The following FAM167A variants were observed in gnomAD, a reference collection of about 807,000 sequenced individuals.
The protein encoded by FAM167A is protein FAM167A.
In FAM167A, 23 loss-of-function variants were observed where a neutral mutation model predicts 14.9. The ratio of observed to expected loss-of-function variants is 1.55; its 90% CI spans 1.11 to 2.19. The LOEUF (loss-of-function observed/expected upper bound fraction) is 2.19. Ranked by LOEUF, FAM167A falls within the 30% of genes most tolerant of loss-of-function variation. The pLI is 0.00. For synonymous variants in FAM167A, 174 were observed against 117.7 expected, an observed-to-expected ratio of 1.48 and a Z score of -3.10; for missense variants, 401 against 281.5, an observed-to-expected ratio of 1.42 and a Z score of -3.04.
chr8:11,446,465 C>G (rs1221081235), intron 1 of FAM167A: 1 of 151,804 alleles, frequency 6.6e-6, no homozygotes, highest in African/African-American at 2.4e-5. Context: ...TTCAATTGGT[C>G]GAGAGATGGG....
upstream of FAM167A, among the ~76,000 whole-genome samples, chr8:11,469,905 TAA>T (rs948087042): frequency 2.0e-5 from 3 of 150,098 alleles, no homozygotes; most frequent in African/African-American, 7.4e-5. Flanking sequence ...AATAAATAAA[TAA>T]ATAAATAAAT....
chr8:11,472,500 C>G (rs1412365560), upstream of FAM167A, among the ~76,000 whole-genome samples: 3 of 136,246 alleles, frequency 2.2e-5, no homozygotes, highest in Non-Finnish European at 4.6e-5. Flanking sequence ...AGTGCAGTGG[C>G]GTGATCTCGG....
At chr8:11,455,571 TTTGA>T in intron 1 of FAM167A, among the ~76,000 whole-genome samples, 1 of 138,296 alleles carries the variant, frequency 7.2e-6, no homozygotes. Flanking sequence ...GTTGCCTTGC[TTTGA>T]GTTTGAGTGT....
chr8:11,473,440 C>T (rs1808023782), intron 1 of FAM167A, among the ~76,000 whole-genome samples: 1 of 152,152 alleles, frequency 6.6e-6, no homozygotes, highest in South Asian at 2.1e-4. Context: ...GGAAACGGGA[C>T]TTGGGCTCTT....
upstream of FAM167A, among the ~76,000 whole-genome samples, chr8:11,467,044 G>A (rs1419716263): frequency 6.6e-6 from 1 of 152,202 alleles, no homozygotes; most frequent in South Asian, 2.1e-4. Context: ...CCCAATTGTG[G>A]CAACGTGACT....
At chr8:11,463,218 A>G (rs996625371) in intron 1 of FAM167A, among the ~76,000 whole-genome samples, 2 of 152,242 alleles carry the variant, frequency 1.3e-5, no homozygotes, top group African/African-American at 4.8e-5. Context: ...AATAAACAAA[A>G]TAGCAGCAGC....
rs1806652880 is a variant in FAM167A at position 11,444,435 on chromosome 8, G to T, written c.-24C>A. The stretch of plus-strand genomic sequence containing the variant: ...ATTCTACAGTCTGCCCTGGCAGCCG[G>T]ACATGCGAGGGCACGGGGGGCGCAG... On this transcript the variant is annotated 5_prime_UTR_variant, in exon 2 of 3. Coordinates refer to ENST00000284486, the MANE Select transcript of FAM167A (RefSeq NM_053279.3). 6.6e-7 allele frequency: 1 copy of T among 1,516,434 alleles called. No individual in the cohort carries two copies. 93.9% of individuals were successfully genotyped at this position (1,516,434 alleles called of 1,614,324 possible).
chr8:11,446,845 G>T (rs1445265519), intron 1 of FAM167A, among the ~76,000 whole-genome samples: 1 of 152,240 alleles, frequency 6.6e-6, no homozygotes. Flanking sequence ...CTTTGCTGAG[G>T]TGCCAGGATC....
Position 11,424,606 on chromosome 8 carries a change from C to G in FAM167A, c.412G>C (p.Ala138Pro). 1 of 1,614,030 alleles carries G rather than the reference C, an allele frequency of 6.2e-7. No homozygotes were observed. Among genetic ancestry groups the G allele is most frequent in the Non-Finnish European group, 8.5e-7 (1 of 1,179,996 alleles). The change falls in exon 3 of 3, where the codon GCC becomes CCC. Residue 138 changes from alanine to proline, a missense_variant. Physicochemically the swap from Ala to Pro is conservative, Grantham distance 27. Coordinates refer to ENST00000284486, the MANE Select transcript of FAM167A (RefSeq NM_053279.3). ...TEMRLQDQQL[A>P]RQLMRLRGDI... The stretch of plus-strand genomic sequence containing the variant: ...CCACGCAGGCGCATGAGCTGTCTGG[C>G]CAGTTGCTGGTCCTGCAGCCGCATC...
intron 1 of FAM167A, among the ~76,000 whole-genome samples, chr8:11,452,831 G>A (rs1807077662): frequency 6.6e-6 from 1 of 152,200 alleles, no homozygotes; most frequent in African/African-American, 2.4e-5. Context: ...GCCAGCACGG[G>A]CTGAGCAATG....
At chr8:11,460,622 C>A (rs1315345196) in intron 1 of FAM167A, among the ~76,000 whole-genome samples, 1 of 152,234 alleles carries the variant, frequency 6.6e-6, no homozygotes, top group Non-Finnish European at 1.5e-5. Flanking sequence ...AGAGCAACCA[C>A]ATGCATTTTT....
At chr8:11,453,170 T>C (rs1807094319) in intron 1 of FAM167A, among the ~76,000 whole-genome samples, 1 of 152,166 alleles carries the variant, frequency 6.6e-6, no homozygotes, top group Non-Finnish European at 1.5e-5. Context: ...TTAATAACTT[T>C]CCTACTAAGT....
At chr8:11,468,668 G>A (rs1354167262), upstream of FAM167A, among the ~76,000 whole-genome samples, 2 of 152,234 alleles carry the variant, frequency 1.3e-5, no homozygotes, top group South Asian at 4.1e-4. Context: ...CTGGCACGTG[G>A]TGAATGCTCC....
rs1021291652 is a variant in FAM167A at position 11,438,206 on chromosome 8, T to C, written c.381+5825A>G. On this transcript the variant is annotated intron_variant, in intron 2 of 2. Coordinates refer to ENST00000284486, the MANE Select transcript of FAM167A (RefSeq NM_053279.3). Reference sequence around the variant, plus strand: ...GCCCCGGAATCGCCATGAGCTGCTATTCCGGTGAGGTGCTGCTGTGGGGAT... The same window carrying C: ...GCCCCGGAATCGCCATGAGCTGCTACTCCGGTGAGGTGCTGCTGTGGGGAT... The C allele has an allele frequency of 4.9e-5, 22 of 448,464 alleles. No homozygotes were observed. In the Middle Eastern group the frequency reaches 1.7e-3, roughly 35 times the overall value. 27.8% of individuals were successfully genotyped at this position (448,464 alleles called of 1,614,324 possible).
chr8:11,463,167 G>C (rs1012492863), intron 1 of FAM167A, among the ~76,000 whole-genome samples: 2 of 152,202 alleles, frequency 1.3e-5, no homozygotes, highest in African/African-American at 2.4e-5. Context: ...AATGAGGCTG[G>C]CTTCACCTTC....
At chr8:11,452,717 G>A (rs903899447) in intron 1 of FAM167A, among the ~76,000 whole-genome samples, 1 of 152,202 alleles carries the variant, frequency 6.6e-6, no homozygotes, top group Non-Finnish European at 1.5e-5. Context: ...CGAAGCCCAA[G>A]CTCCCATAAA....
chr8:11,451,762 G>A (rs1807037058), intron 1 of FAM167A, among the ~76,000 whole-genome samples: 1 of 152,128 alleles, frequency 6.6e-6, no homozygotes, highest in South Asian at 2.1e-4. Context: ...ACCAACCCTG[G>A]AGGCAAATGT....
At chr8:11,426,472 T>A (rs1246755953) in intron 2 of FAM167A, among the ~76,000 whole-genome samples, 1 of 152,232 alleles carries the variant, frequency 6.6e-6, no homozygotes, top group African/African-American at 2.4e-5. Context: ...ATGTGATAAT[T>A]ATTTCTCACC....
chr8:11,430,367 C>G (rs1388087683), intron 2 of FAM167A, among the ~76,000 whole-genome samples: 1 of 152,186 alleles, frequency 6.6e-6, no homozygotes, highest in Admixed American at 6.5e-5. Flanking sequence ...AACAGCTGTG[C>G]TTGTGATCTG....
Sources: gnomAD v4.1 joint callset for allele counts (sites outside exome capture counted in the v4.1 genomes callset) on GRCh38, gnomAD v4.1.1 for gene constraint, MANE v1.5 for transcripts, NCBI Gene and HGNC (gene_info 2026-07-23, HGNC 2026-07-21) for gene names.